SPTBN5: variants seen among roughly 807,000 people sequenced by gnomAD.
The protein encoded by SPTBN5 is spectrin beta chain, non-erythrocytic 5.
SPTBN5 carries 513 observed loss-of-function variants against 477.6 expected under a neutral mutation model. The observed-to-expected ratio is 1.07, with a 90% CI of 1.00 to 1.16. The LOEUF is 1.16. Among genes scored for constraint, SPTBN5 ranks in the 50% most tolerant of loss-of-function variants. The pLI is 0.00. For missense variants in SPTBN5, 5,062 were observed against 4,731.8 expected (o/e 1.07, Z -2.05); for synonymous variants, 2,169 against 2,011.7 (o/e 1.08, Z -2.09).
intron 3 of SPTBN5, among the ~76,000 whole-genome samples, chr15:41,892,274 C>G (rs573867157): frequency 2.6e-5 from 4 of 152,168 alleles, no homozygotes; most frequent in Non-Finnish European, 4.4e-5. Flanking sequence ...TCACAGTTCC[C>G]GGTTTCCAAT....
chr15:41,877,782 G>C (rs1340139001), intron 17 of SPTBN5, among the ~76,000 whole-genome samples: 1 of 152,252 alleles, frequency 6.6e-6, no homozygotes, highest in Non-Finnish European at 1.5e-5. Context: ...CCAGGTACTG[G>C]AGTCTGGCAA....
At position 41,882,344 on chromosome 15, in the gene SPTBN5, C is replaced by A; in HGVS notation, c.2172G>T (p.Gln724His). The A allele has an allele frequency of 6.5e-7, 1 of 1,535,238 alleles. No homozygotes were observed. The highest frequency in any genetic ancestry group is 8.7e-7 in the Non-Finnish European group (1 of 1,146,276). The change falls in exon 11 of 68, where the codon CAG becomes CAT. Residue 724 changes from glutamine to histidine, a missense_variant. Coordinates refer to ENST00000320955, the MANE Select transcript of SPTBN5 (RefSeq NM_016642.4). ...PDPGERAEAV[Q>H]GGWQLLQTRV... ...GGGTCTGGAGCAGCTGCCACCCTCCCTGAACGGCCTCTGCCCGTTCCCCGG... is the reference window on the plus strand; with the variant it reads ...GGGTCTGGAGCAGCTGCCACCCTCCATGAACGGCCTCTGCCCGTTCCCCGG...
Position 41,853,261 on chromosome 15 carries a change from C to A in SPTBN5, c.10167G>T (p.Ala3389=). The stretch of plus-strand genomic sequence containing the variant: ...GGCCCACCCTCTGAGTTCACACCTC[C>A]GCAGACATGAAGTGGCTGTTGTCCA... The part of the protein sequence containing the change: ...QLVDNSHFMS[A]EVTECLQELE... Residue 3389 remains alanine (A), a synonymous_variant, in exon 59 of 68, where the codon GCG becomes GCT. Transcript: ENST00000320955. 6.3e-7 allele frequency: 1 copy of A among 1,598,566 alleles called. No individual in the cohort carries two copies. The highest frequency in any genetic ancestry group is 1.1e-5 in the South Asian group (1 of 89,348).
intron 31 of SPTBN5, 62 bp downstream of exon 31, chr15:41,870,181 A>G: frequency 1.3e-6 from 2 of 1,509,864 alleles, no homozygotes; most frequent in Non-Finnish European, 8.9e-7. Context: ...CTAGAGGAAC[A>G]GGCAGGCCAG....
In SPTBN5 at chr15:41,875,643, C is replaced by T. The variant is rs752964297; in HGVS notation, c.4123-21G>A. ...CCAACCTGGAGTGGAGATAAAGGCCCAGGGAGTTTGGCTGAGCTGCTGGTA... is the reference window on the plus strand; with the variant it reads ...CCAACCTGGAGTGGAGATAAAGGCCTAGGGAGTTTGGCTGAGCTGCTGGTA... On this transcript the variant is annotated intron_variant, in intron 21 of 67. Transcript: ENST00000320955. 10 of 1,559,552 alleles carry T rather than the reference C, an allele frequency of 6.4e-6. No individual in the cohort carries two copies. In the South Asian group the frequency reaches 9.5e-5, roughly 15 times the overall value.
At position 41,853,730 on chromosome 15, in the gene SPTBN5, G is replaced by T; in HGVS notation, c.9832C>A (p.Leu3278Met). ...GGAGCTGCAGGATGTAGCTGGCCCA[G>T]TCGGCAGGCCTCCGTCTGTAGCCGT... ...VARLQTEACRLGQLHPAAPGG... is the reference protein window; with the variant it reads ...VARLQTEACRMGQLHPAAPGG... The change falls in exon 58 of 68, where the codon CTG (leucine) becomes ATG (methionine). Residue 3278 changes from leucine to methionine, a missense_variant. Physicochemically the swap from Leu to Met is conservative, Grantham distance 15 (BLOSUM62 2). Transcript: ENST00000320955. 6.3e-7 allele frequency: 1 copy of T among 1,589,976 alleles called. No individual in the cohort carries two copies. Among genetic ancestry groups the T allele is most frequent in the Non-Finnish European group, 8.6e-7 (1 of 1,168,676 alleles).
In SPTBN5 at chr15:41,852,991, ACT is replaced by A; in HGVS notation, c.10178_10179del (p.Glu3393ValfsTer40). ...AGCCGCCCTTCCAGCTCCTGCAGGCACTCTGTCACCTGGTGGGGAGGGGCTGC... is the reference window on the plus strand; with the variant it reads ...AGCCGCCCTTCCAGCTCCTGCAGGCACTGTCACCTGGTGGGGAGGGGCTGC... ...NSHFMSAEVT[E>X]CLQELEGRLQ... On this transcript the variant is annotated frameshift_variant, in exon 60 of 68. Transcript: ENST00000320955. LOFTEE classifies it high-confidence loss of function. 2 of 1,539,270 alleles carry A rather than the reference ACT, an allele frequency of 1.3e-6. No homozygotes were observed. Among genetic ancestry groups the A allele is most frequent in the South Asian group, 1.2e-5 (1 of 82,058 alleles).
Position 41,852,771 on chromosome 15 carries a change from G to C in SPTBN5, c.10348-36C>G, listed in dbSNP as rs202081935. 297 of 1,570,134 alleles carry C rather than the reference G, an allele frequency of 1.9e-4. 1 individual carries two copies. Among genetic ancestry groups the C allele is most frequent in the Middle Eastern group, 1.0e-3 (6 of 5,988 alleles). ...GCATGTTCAGGTGACGCCCAGCTTG[G>C]GGGGGGGGGCCCAGAGCCTGGTAGC... On this transcript the variant is annotated intron_variant, in intron 60 of 67. Transcript: ENST00000320955.
intron 32 of SPTBN5, among the ~76,000 whole-genome samples, chr15:41,869,342 C>A (rs1420160250): frequency 6.6e-6 from 1 of 152,226 alleles, no homozygotes; most frequent in Non-Finnish European, 1.5e-5. Context: ...GCCGGGGACA[C>A]CCCGTGGCCA....
In SPTBN5 at chr15:41,855,273, G is replaced by A. The variant is rs368138579; in HGVS notation, c.9374C>T (p.Ala3125Val). ...LLLDAWLTTK[A>V]ATAESQDYGQ... Reference sequence around the variant, plus strand: ...GTAGTCCTGGGACTCGGCGGTGGCCGCCTTGGTGGTCAGCCAGGCGTCGAG... The same window carrying A: ...GTAGTCCTGGGACTCGGCGGTGGCCACCTTGGTGGTCAGCCAGGCGTCGAG... The change falls in exon 55 of 68, where the codon GCG becomes GTG. Residue 3125 changes from alanine (A) to valine (V), a missense_variant. By Grantham distance (64) the Ala-to-Val change is moderately conservative. Coordinates refer to ENST00000320955, the MANE Select transcript of SPTBN5 (RefSeq NM_016642.4). 5.0e-5 allele frequency: 81 copies of A among 1,612,250 alleles called. No homozygotes were observed. In the African/African-American group the frequency reaches 7.9e-4, roughly 16 times the overall value.
chr15:41,882,740 T>G lies in SPTBN5; in HGVS notation c.1893-2A>C. ...AGGGTCTGCTCCAGCAGGGCCCGCC[T>G]GAGGGACAATAGGGGCCACCGAAGG... On this transcript the variant is annotated splice_acceptor_variant, in intron 9 of 67. Transcript: ENST00000320955. LOFTEE classifies it high-confidence loss of function. The G allele has an allele frequency of 6.2e-7, 1 of 1,608,672 alleles. No individual in the cohort carries two copies. The highest frequency in any genetic ancestry group is 8.5e-7 in the Non-Finnish European group (1 of 1,177,800).
rs1194845451 is a variant in SPTBN5, at chr15:41,856,610, G to A, written c.8809-12C>T. ...TCACTCTCCAGGTTCTGCGGGGGAG[G>A]AGGCAGGAGGATGCGGATGTTGCTG... On this transcript the variant is annotated splice_polypyrimidine_tract_variant and intron_variant, in intron 52 of 67. Transcript: ENST00000320955. The A allele has an allele frequency of 1.9e-6, 3 of 1,564,384 alleles. No homozygotes were observed. Among genetic ancestry groups the A allele is most frequent in the South Asian group, 1.2e-5 (1 of 85,654 alleles).
Position 41,871,867 on chromosome 15 carries a change from G to C in SPTBN5, c.5216C>G (p.Ala1739Gly). ...TGCCAGCCAGCCCTGCAGGTCCTCA[G>C]CCTCCCTCAGGAACTCATGCAGCCT... ...TLRLHEFLREAEDLQGWLASQ... is the reference protein window; with the variant it reads ...TLRLHEFLREGEDLQGWLASQ... The change falls in exon 28 of 68, where the codon GCT (alanine) becomes GGT (glycine). Residue 1739 changes from alanine (A) to glycine (G), a missense_variant. Physicochemically the swap from Ala to Gly is moderately conservative, Grantham distance 60 (BLOSUM62 0). Coordinates refer to ENST00000320955, the MANE Select transcript of SPTBN5 (RefSeq NM_016642.4). 6.3e-7 allele frequency: 1 copy of C among 1,586,498 alleles called. No homozygotes were observed. Among genetic ancestry groups the C allele is most frequent in the African/African-American group, 1.3e-5 (1 of 74,300 alleles).
At position 41,879,856 on chromosome 15, in the gene SPTBN5, G is replaced by A; in HGVS notation, c.2820C>T (p.Leu940=). 2 of 1,613,926 alleles carry A rather than the reference G, an allele frequency of 1.2e-6. No homozygotes were observed. The highest frequency in any genetic ancestry group is 1.1e-5 in the South Asian group (1 of 91,082). Residue 940 remains leucine, a synonymous_variant, in exon 15 of 68, where the codon CTC becomes CTT. Coordinates refer to ENST00000320955, the MANE Select transcript of SPTBN5 (RefSeq NM_016642.4). ...EVMQLKYENF[L]TALAVGKGLW... is the part of the protein sequence containing the mutation. The stretch of plus-strand genomic sequence containing the variant: ...GGCCCTTTCCCACAGCCAGGGCAGT[G>A]AGGAAGTTCTAGGGAAAAGGAGGAC...
rs375032016 is a variant in SPTBN5 at position 41,862,341 on chromosome 15, C to T, written c.7386-49G>A. 1.9e-6 allele frequency: 3 copies of T among 1,551,424 alleles called. No homozygotes were observed. In the African/African-American group the frequency reaches 4.1e-5, roughly 21 times the overall value. On this transcript the variant is annotated intron_variant, in intron 43 of 67. Coordinates refer to ENST00000320955, the MANE Select transcript of SPTBN5 (RefSeq NM_016642.4). Reference sequence around the variant, plus strand: ...GTCGTCAGGCCTTCAAACCCCTCTCCCCCATGCCCACTGGTGTCTTCTGTC... The same window carrying T: ...GTCGTCAGGCCTTCAAACCCCTCTCTCCCATGCCCACTGGTGTCTTCTGTC...
intron 46 of SPTBN5, among the ~76,000 whole-genome samples, chr15:41,861,112 G>A (rs1022906427): frequency 1.6e-4 from 25 of 152,244 alleles, no homozygotes; most frequent in African/African-American, 2.9e-4. Flanking sequence ...GGGCAGTGGC[G>A]GGAAAAGCCA....
Position 41,851,091 on chromosome 15 carries a change from G to C in SPTBN5, c.10803C>G (p.Gly3601=). The part of the protein sequence containing the change: ...LTGARCERLR[G]RHGRKHTFSL... ...AGAATGTGTGTTTCCTGCCGTGGCGGCCCCGCAGCCTCTCACACCGGGCTC... is the reference window on the plus strand; with the variant it reads ...AGAATGTGTGTTTCCTGCCGTGGCGCCCCCGCAGCCTCTCACACCGGGCTC... The change falls in exon 65 of 68, where the codon GGC becomes GGG. Residue 3601 remains glycine (G), a synonymous_variant. Coordinates refer to ENST00000320955, the MANE Select transcript of SPTBN5 (RefSeq NM_016642.4). The C allele has an allele frequency of 1.2e-6, 2 of 1,613,010 alleles. No homozygotes were observed. The highest frequency in any genetic ancestry group is 1.7e-6 in the Non-Finnish European group (2 of 1,179,778).
chr15:41,849,742 A>C (rs1439621482), intron 67 of SPTBN5, 127 bp downstream of exon 67: 8 of 723,606 alleles, frequency 1.1e-5, no homozygotes, highest in Non-Finnish European at 1.9e-5. Flanking sequence ...TGAGGGTTCC[A>C]ATAGCATTTC....
At chr15:41,884,230 C>T (rs1016828185) in intron 7 of SPTBN5, among the ~76,000 whole-genome samples, 4 of 152,190 alleles carry the variant, frequency 2.6e-5, no homozygotes, top group East Asian at 1.9e-4. Flanking sequence ...TCGTGATCTG[C>T]CCGCCTCAGC....
Sources: gnomAD v4.1 joint callset for allele counts (sites outside exome capture counted in the v4.1 genomes callset) on GRCh38, gnomAD v4.1.1 for gene constraint, MANE v1.5 for transcripts, NCBI Gene and HGNC (gene_info 2026-07-23, HGNC 2026-07-21) for gene names.